Variants in MYPN observed in about 807,000 individuals in gnomAD.
The protein encoded by MYPN is myopalladin, also known as sarcomeric protein myopalladin, 145 kDa (MYOP).
In MYPN, 63 loss-of-function variants were observed where a neutral mutation model predicts 129.4. That is an observed-to-expected ratio of 0.49 (90% confidence interval 0.40 to 0.60). The LOEUF is 0.60. Ranked by LOEUF, MYPN falls within the 20% of genes least tolerant of loss-of-function variation. MYPN has a pLI of 0.00. For missense variants in MYPN, 1,596 were observed against 1,635.4 expected, an observed-to-expected ratio of 0.98 and a Z score of 0.42; for synonymous variants, 629 against 600.9, an observed-to-expected ratio of 1.05 and a Z score of -0.68.
intron 10 of MYPN, among the ~76,000 whole-genome samples, chr10:68,173,171 A>G (rs2043168136): frequency 1.3e-5 from 2 of 152,212 alleles, no homozygotes; most frequent in Admixed American, 6.5e-5. Flanking sequence ...CCTTATCTAT[A>G]AAGGTTTGTT....
At chr10:68,108,286 C>A (rs1427095962), upstream of MYPN, among the ~76,000 whole-genome samples, 1 of 152,152 alleles carries the variant, frequency 6.6e-6, no homozygotes, top group African/African-American at 2.4e-5. Flanking sequence ...TGTAATTAAA[C>A]CTCCAATGTG....
intron 13 of MYPN, among the ~76,000 whole-genome samples, chr10:68,193,236 A>G (rs1445230277): frequency 1.3e-5 from 2 of 152,170 alleles, no homozygotes; most frequent in African/African-American, 4.8e-5. Flanking sequence ...AACCCATACC[A>G]GAAAATTAGC....
chr10:68,111,880 C>T (rs1411809772), intron 1 of MYPN, among the ~76,000 whole-genome samples: 2 of 152,198 alleles, frequency 1.3e-5, no homozygotes, highest in Admixed American at 1.3e-4. Context: ...TCCCTTGGGA[C>T]ACCTACTGCT....
At chr10:68,139,554 A>C (rs966917391) in intron 2 of MYPN, among the ~76,000 whole-genome samples, 4 of 152,150 alleles carry the variant, frequency 2.6e-5, no homozygotes, top group Non-Finnish European at 5.9e-5. Flanking sequence ...TGTCTTGTTT[A>C]ATCGGACATC....
chr10:68,167,659 G>T (rs2043075482), intron 10 of MYPN, among the ~76,000 whole-genome samples: 1 of 152,152 alleles, frequency 6.6e-6, no homozygotes, highest in Non-Finnish European at 1.5e-5. Flanking sequence ...CCCACTGTGT[G>T]TTGCTCATCA....
chr10:68,166,708 C>A (rs1430550736), intron 10 of MYPN, 42 bp downstream of exon 10: 5 of 1,610,218 alleles, frequency 3.1e-6, no homozygotes, highest in Non-Finnish European at 3.4e-6. Flanking sequence ...CTTCTGTGAT[C>A]TTTTCTTGAA....
rs529550073 is a variant in MYPN at position 68,099,464 on chromosome 10, G to C, written c.-2+11472G>C. On this transcript the variant is annotated intron_variant, in intron 1 of 6. Coordinates refer to the MYPN transcript ENST00000685154. The stretch of plus-strand genomic sequence containing the variant: ...AGCCTGGCCAACATGGTGACACCCA[G>C]TCTCTATTAAAAATACAAAAATTAG... Among the ~76,000 whole-genome samples, 7 of 152,070 alleles carry C rather than the reference G, an allele frequency of 4.6e-5. No homozygotes were observed. The East Asian group carries it at 1.4e-3, about 29-fold the overall frequency.
intron 4 of MYPN, 27 bp from the exon 5 acceptor site, chr10:68,148,326 A>G (rs781465939): frequency 6.5e-7 from 1 of 1,538,292 alleles, no homozygotes; most frequent in Non-Finnish European, 9.0e-7. Context: ...GGTCTATTTT[A>G]TAATCTATAT....
At chr10:68,089,461 C>G (rs2041921056) in intron 1 of MYPN, among the ~76,000 whole-genome samples, 1 of 152,120 alleles carries the variant, frequency 6.6e-6, no homozygotes, top group Admixed American at 6.5e-5. Flanking sequence ...CCTGCCTCAG[C>G]CTCCCGAGTA....
chr10:68,117,362 G>A (rs966435980), intron 1 of MYPN, among the ~76,000 whole-genome samples: 2 of 152,070 alleles, frequency 1.3e-5, no homozygotes, highest in African/African-American at 4.8e-5. Context: ...AAAACATAGT[G>A]AAGGAGACAG....
intron 12 of MYPN, 41 bp downstream of exon 12, chr10:68,175,502 G>A (rs372406105): frequency 4.3e-6 from 7 of 1,609,772 alleles, no homozygotes; most frequent in Non-Finnish European, 5.1e-6. Context: ...AAATTTTATT[G>A]TAAGGAATTT....
intron 1 of MYPN, among the ~76,000 whole-genome samples, chr10:68,093,492 A>C (rs1269835005): frequency 6.6e-6 from 1 of 151,132 alleles, no homozygotes; most frequent in Non-Finnish European, 1.5e-5. Flanking sequence ...TAATCCCAGC[A>C]CTTTGGGAAG....
intron 1 of MYPN, among the ~76,000 whole-genome samples, chr10:68,091,897 C>T (rs567099141): frequency 6.7e-6 from 1 of 150,122 alleles, no homozygotes; most frequent in South Asian, 2.1e-4. Flanking sequence ...TAATTCTGCT[C>T]CCTGGCTATA....
At chr10:68,096,393 C>T (rs1019168232) in intron 1 of MYPN, among the ~76,000 whole-genome samples, 2 of 152,134 alleles carry the variant, frequency 1.3e-5, no homozygotes, top group African/African-American at 4.8e-5. Context: ...GAAGCCCCGT[C>T]TCTACTAAAA....
chr10:68,145,931 T>A (rs1041336600), intron 4 of MYPN, among the ~76,000 whole-genome samples: 22 of 152,196 alleles, frequency 1.4e-4, no homozygotes, highest in Non-Finnish European at 4.4e-5. Context: ...CCTTCTCTCC[T>A]GCCTTTTATG....
At chr10:68,136,818 A>G (rs1006416397) in intron 2 of MYPN, 2 of 1,347,972 alleles carry the variant, frequency 1.5e-6, no homozygotes, top group African/African-American at 1.4e-5. Flanking sequence ...ATAGCTATTG[A>G]TATTTGTTTT....
At chr10:68,150,409 A>G (rs2042749224) in intron 6 of MYPN, among the ~76,000 whole-genome samples, 1 of 152,178 alleles carries the variant, frequency 6.6e-6, no homozygotes, top group Non-Finnish European at 1.5e-5. Flanking sequence ...CTAGCCACAT[A>G]TTACTCCAAA....
At chr10:68,120,332 CT>C (rs1178746905) in intron 1 of MYPN, among the ~76,000 whole-genome samples, 1 of 152,112 alleles carries the variant, frequency 6.6e-6, no homozygotes, top group East Asian at 1.9e-4. Flanking sequence ...TTTCTTAAGA[CT>C]TTAAAAATAT....
At chr10:68,180,730 T>C (rs2043301290) in intron 12 of MYPN, among the ~76,000 whole-genome samples, 1 of 152,270 alleles carries the variant, frequency 6.6e-6, no homozygotes, top group South Asian at 2.1e-4. Context: ...GCAGTGACTG[T>C]TGGATCATGG....
Sources: allele counts gnomAD v4.1 joint callset (sites outside exome capture counted in the v4.1 genomes callset), GRCh38; gene constraint gnomAD v4.1.1; transcripts MANE v1.5; gene names NCBI Gene and HGNC (gene_info 2026-07-23, HGNC 2026-07-21).